Variants in CDK14 observed in about 807,000 individuals in gnomAD.
CDK14 encodes cyclin-dependent kinase 14.
Under a neutral mutation model 60.7 loss-of-function variants are expected in CDK14, and 34 were observed. That is an observed-to-expected ratio of 0.56 (90% CI 0.43 to 0.75). The LOEUF (loss-of-function observed/expected upper bound fraction) is 0.75, where lower values mean the gene tolerates loss of function less well. Ranked by LOEUF, CDK14 falls within the 30% of genes least tolerant of loss-of-function variation. The probability of loss-of-function intolerance (pLI) is 0.00; values close to 1 mark genes in which losing one functional copy is unlikely to be tolerated. For synonymous variants in CDK14, 197 were observed against 203.7 expected (o/e 0.97, Z 0.28); for missense variants, 482 against 564.1 (o/e 0.85, Z 1.47).
intron 5 of CDK14, among the ~76,000 whole-genome samples, chr7:90,828,824 G>A (rs1405311246): frequency 3.9e-5 from 6 of 152,312 alleles, no homozygotes; most frequent in African/African-American, 1.4e-4. Flanking sequence ...ATGTGGCAGA[G>A]CGAGTTTCAA....
intron 11 of CDK14, among the ~76,000 whole-genome samples, chr7:91,050,149 C>A (rs11977368): frequency 0.022 from 3,357 of 152,178 alleles, 117 homozygotes; most frequent in African/African-American, 0.077. Flanking sequence ...TGAGGGATAC[C>A]CTGAGTCCTT....
intron 4 of CDK14, among the ~76,000 whole-genome samples, chr7:90,772,788 T>G (rs946276533): frequency 3.9e-5 from 6 of 152,216 alleles, no homozygotes; most frequent in African/African-American, 1.4e-4. Context: ...ACTAATACAC[T>G]GGGTTTCTAC....
At chr7:90,863,876 C>T (rs753013508) in intron 6 of CDK14, among the ~76,000 whole-genome samples, 2 of 152,028 alleles carry the variant, frequency 1.3e-5, no homozygotes, top group Non-Finnish European at 2.9e-5. Flanking sequence ...AATTCTTCTC[C>T]ATTTCTCTTA....
intron 14 of CDK14, among the ~76,000 whole-genome samples, chr7:91,205,984 C>A (rs968877203): frequency 1.3e-5 from 2 of 152,018 alleles, no homozygotes; most frequent in African/African-American, 4.8e-5. Context: ...TCAGTAGAGA[C>A]GGGGTTTCAC....
intron 14 of CDK14, among the ~76,000 whole-genome samples, chr7:91,134,891 A>G (rs1800225606): frequency 1.3e-5 from 2 of 152,064 alleles, no homozygotes; most frequent in Admixed American, 6.6e-5. Context: ...AAAAATAATA[A>G]TAATTTATAG....
At chr7:90,644,311 CAATT>C (rs1367939433) in intron 2 of CDK14, among the ~76,000 whole-genome samples, 12 of 152,190 alleles carry the variant, frequency 7.9e-5, no homozygotes, top group Admixed American at 7.2e-4. Context: ...ATAACCAAAA[CAATT>C]ATTTATTACC....
chr7:90,881,838 A>G (rs1213880673), intron 6 of CDK14, among the ~76,000 whole-genome samples: 2 of 152,188 alleles, frequency 1.3e-5, no homozygotes, highest in Non-Finnish European at 2.9e-5. Context: ...AGCCAGACTA[A>G]GCTTCGTAAG....
intron 2 of CDK14, among the ~76,000 whole-genome samples, chr7:90,689,623 T>C (rs1801512911): frequency 6.6e-6 from 1 of 152,216 alleles, no homozygotes; most frequent in Admixed American, 6.6e-5. Flanking sequence ...CAGACTAGTT[T>C]AGCTGCTGAC....
chr7:90,702,510 A>T lies in CDK14; in HGVS notation c.124-24057A>T, dbSNP rs530264879. On this transcript the variant is annotated intron_variant, in intron 2 of 14. Coordinates refer to ENST00000380050, the MANE Select transcript of CDK14 (RefSeq NM_001287135.2). ...GCACACATGGTTTTGGAATGATCTA[A>T]ATTATATCAGTATTAGCTTGAAAAG... is the stretch of plus-strand genomic sequence containing the variant. 4.6e-5 allele frequency among the ~76,000 whole-genome samples: 7 copies of T among 152,196 alleles called. No individual in the cohort carries two copies. The South Asian group carries it at 1.5e-3, about 32-fold the overall frequency.
At chr7:90,825,723 T>C (rs1789699890) in intron 5 of CDK14, among the ~76,000 whole-genome samples, 1 of 152,200 alleles carries the variant, frequency 6.6e-6, no homozygotes, top group South Asian at 2.1e-4. Context: ...ATTTTAGGGA[T>C]TTGGGAAATA....
At chr7:90,625,094 C>T (rs1235002031) in intron 2 of CDK14, among the ~76,000 whole-genome samples, 3 of 152,116 alleles carry the variant, frequency 2.0e-5, no homozygotes, top group Non-Finnish European at 4.4e-5. Context: ...CACAGTGGCT[C>T]ATAATCTCAG....
intron 3 of CDK14, among the ~76,000 whole-genome samples, chr7:90,745,750 G>T (rs1014217301): frequency 2.0e-5 from 3 of 152,138 alleles, no homozygotes; most frequent in Non-Finnish European, 4.4e-5. Context: ...GTGTTAACTT[G>T]CCTTCCAAGG....
At chr7:90,718,444 A>G (rs751586513) in intron 2 of CDK14, among the ~76,000 whole-genome samples, 9 of 152,166 alleles carry the variant, frequency 5.9e-5, no homozygotes, top group Non-Finnish European at 8.8e-5. Flanking sequence ...TAAAGTTCAT[A>G]GTAGAACATT....
chr7:90,715,772 G>T (rs1437766825), intron 2 of CDK14, among the ~76,000 whole-genome samples: 1 of 150,092 alleles, frequency 6.7e-6, no homozygotes, highest in African/African-American at 2.4e-5. Flanking sequence ...CTATTTTGTA[G>T]AGAATAGGTA....
intron 10 of CDK14, among the ~76,000 whole-genome samples, chr7:90,985,578 A>C (rs1220092504): frequency 6.6e-6 from 1 of 152,232 alleles, no homozygotes; most frequent in Non-Finnish European, 1.5e-5. Context: ...GTTTAAATAC[A>C]GCTATCATAT....
intron 7 of CDK14, among the ~76,000 whole-genome samples, chr7:90,904,331 G>T (rs1440090831): frequency 6.6e-6 from 1 of 152,076 alleles, no homozygotes; most frequent in East Asian, 1.9e-4. Context: ...CAAGTTGCTT[G>T]CACTGATTGG....
At chr7:90,771,515 T>A (rs1048093767) in intron 4 of CDK14, among the ~76,000 whole-genome samples, 8 of 152,222 alleles carry the variant, frequency 5.3e-5, no homozygotes, top group African/African-American at 1.2e-4. Context: ...AGGAAAGCTC[T>A]CAGCAGCGAG....
chr7:91,093,018 A>C (rs528789810), intron 12 of CDK14, among the ~76,000 whole-genome samples: 1 of 152,324 alleles, frequency 6.6e-6, no homozygotes, highest in African/African-American at 2.4e-5. Flanking sequence ...TGCAGAACAA[A>C]AATGACAAAC....
intron 2 of CDK14, among the ~76,000 whole-genome samples, chr7:90,649,301 T>TTCC (rs1800547793): frequency 3.1e-5 from 2 of 63,700 alleles, no homozygotes; most frequent in Admixed American, 2.0e-4. Flanking sequence ...TCTTTCTTTC[T>TTCC]TTCTTTCTTT....
Sources: allele counts gnomAD v4.1 joint callset (sites outside exome capture counted in the v4.1 genomes callset), GRCh38; gene constraint gnomAD v4.1.1; transcripts MANE v1.5; gene names NCBI Gene and HGNC (gene_info 2026-07-23, HGNC 2026-07-21).